Variants in RGS6 observed in about 807,000 individuals in gnomAD.
The protein encoded by RGS6 is regulator of G-protein signaling 6.
A neutral mutation model predicts 78.5 loss-of-function variants in RGS6; 30 were observed. That is an observed-to-expected ratio of 0.38 (90% CI 0.29 to 0.52). RGS6 has a LOEUF of 0.52. RGS6 is among the 20% of genes least tolerant of loss of function. The probability of loss-of-function intolerance (pLI) is 0.85; values close to 1 mark genes in which losing one functional copy is unlikely to be tolerated. For missense variants in RGS6, 495 were observed against 609.7 expected (o/e 0.81, Z 1.98); for synonymous variants, 206 against 206.0 (o/e 1.00, Z 0.00).
intron 2 of RGS6, among the ~76,000 whole-genome samples, chr14:72,101,411 G>C (rs1215868623): frequency 2.0e-5 from 3 of 152,254 alleles, no homozygotes; most frequent in Admixed American, 2.0e-4. Flanking sequence ...AACTGTGCCT[G>C]GCACAGAATA....
chr14:72,421,754 G>A (rs1484689526), intron 3 of RGS6: 1 of 152,214 alleles, frequency 6.6e-6, no homozygotes, highest in Non-Finnish European at 1.5e-5. Context: ...TTGTTCCTGG[G>A]CAGTTGCACC....
chr14:72,388,257 T>A (rs988634066), intron 3 of RGS6, among the ~76,000 whole-genome samples: 2 of 152,134 alleles, frequency 1.3e-5, no homozygotes, highest in African/African-American at 4.8e-5. Flanking sequence ...CACATATATA[T>A]ATACACATAT....
At chr14:71,975,135 C>CAA (rs1240657402) in intron 2 of RGS6, among the ~76,000 whole-genome samples, 1 of 152,184 alleles carries the variant, frequency 6.6e-6, no homozygotes, top group Admixed American at 6.5e-5. Flanking sequence ...GCCTGGGCAA[C>CAA]AGAGTGAGGC....
At chr14:72,346,795 C>A (rs546084907) in intron 2 of RGS6, among the ~76,000 whole-genome samples, 1 of 152,334 alleles carries the variant, frequency 6.6e-6, no homozygotes, top group South Asian at 2.1e-4. Flanking sequence ...CTTCCTACTG[C>A]CCCTCTGCGG....
intron 2 of RGS6, among the ~76,000 whole-genome samples, chr14:72,111,570 A>G (rs891366655): frequency 1.3e-5 from 2 of 152,230 alleles, no homozygotes; most frequent in Non-Finnish European, 2.9e-5. Context: ...ACAAAGCCAC[A>G]TATACATGTT....
chr14:72,412,477 G>C (rs1437913411), intron 3 of RGS6, among the ~76,000 whole-genome samples: 2 of 151,750 alleles, frequency 1.3e-5, no homozygotes, highest in Non-Finnish European at 2.9e-5. Context: ...ATTAGTCTTG[G>C]TAGCAGTCTA....
chr14:72,586,876 A>G, the RGS6 span, among the ~76,000 whole-genome samples: 2 of 152,222 alleles, frequency 1.3e-5, no homozygotes, highest in East Asian at 1.9e-4. Flanking sequence ...ATATTTGATG[A>G]GTCAATCAGT....
the RGS6 span, among the ~76,000 whole-genome samples, chr14:71,904,267 A>T: frequency 6.6e-6 from 1 of 152,162 alleles, no homozygotes; most frequent in Non-Finnish European, 1.5e-5. Context: ...CCCAAAATCT[A>T]AGGGTGGGAA....
intron 2 of RGS6, among the ~76,000 whole-genome samples, chr14:72,224,481 A>G (rs1329870366): frequency 6.6e-6 from 1 of 151,550 alleles, no homozygotes; most frequent in Non-Finnish European, 1.5e-5. Context: ...TATACTTTAG[A>G]GGCTTTCAGG....
intron 2 of RGS6, among the ~76,000 whole-genome samples, chr14:72,099,608 A>G (rs540756185): frequency 4.9e-4 from 74 of 152,314 alleles, no homozygotes; most frequent in African/African-American, 1.7e-3. Context: ...GAGGACTTCA[A>G]TGAGCTCTCA....
chr14:72,339,481 C>A (rs2076595383), intron 2 of RGS6, among the ~76,000 whole-genome samples: 1 of 152,184 alleles, frequency 6.6e-6, no homozygotes, highest in Non-Finnish European at 1.5e-5. Context: ...TTAGCCCATT[C>A]TGTTGAATCC....
chr14:71,912,970 T>G, the RGS6 span, among the ~76,000 whole-genome samples: 7 of 152,002 alleles, frequency 4.6e-5, no homozygotes, highest in South Asian at 1.5e-3. Context: ...GGACTACAGG[T>G]GCCCACCACC....
intron 2 of RGS6, among the ~76,000 whole-genome samples, chr14:72,231,380 GTA>G (rs2049548886): frequency 6.6e-6 from 1 of 152,204 alleles, no homozygotes; most frequent in African/African-American, 2.4e-5. Flanking sequence ...GCTAAATGTG[GTA>G]TATTGGAGTT....
chr14:72,328,683 A>G (rs1011444262), intron 2 of RGS6, among the ~76,000 whole-genome samples: 2 of 152,190 alleles, frequency 1.3e-5, no homozygotes, highest in East Asian at 3.9e-4. Context: ...CATTCTACGT[A>G]CCCCAAACCA....
chr14:72,269,567 A>ATTTTTTTTTTTTTTTTTTTTTTTTTTTT lies in RGS6; in HGVS notation c.85-82501_85-82500insTTTTTTTTTTTTTTTTTTTTTTTTTTTT, dbSNP rs56171281. On this transcript the variant is annotated intron_variant, in intron 2 of 17. Coordinates refer to ENST00000553525, the MANE Select transcript of RGS6 (RefSeq NM_001204424.2). ...GTTTTTACAGTGAAACCTATCTTAAATTTTTTTTTTTTTTTTTTTTTTTTT... is the reference window on the plus strand; with the variant it reads ...GTTTTTACAGTGAAACCTATCTTAAATTTTTTTTTTTTTTTTTTTTTTTTTTTTTTTTTTTTTTTTTTTTTTTTTTTTT... Among the ~76,000 whole-genome samples the ATTTTTTTTTTTTTTTTTTTTTTTTTTTT allele has an allele frequency of 1.7e-5, 2 of 120,334 alleles. 1 individual carries two copies. Among genetic ancestry groups the ATTTTTTTTTTTTTTTTTTTTTTTTTTTT allele is most frequent in the African/African-American group, 6.6e-5 (2 of 30,354 alleles). The allele number at this position is 120,334 out of a possible 152,430, so 78.9% of individuals were successfully genotyped here.
At chr14:72,587,246 G>GC in the RGS6 span, among the ~76,000 whole-genome samples, 4,363 of 152,008 alleles carry the variant, frequency 0.029, 197 homozygotes, top group African/African-American at 0.1. Flanking sequence ...TCCATTTCCA[G>GC]CCCCCACATG....
chr14:72,084,055 A>G (rs1362955304), intron 2 of RGS6, among the ~76,000 whole-genome samples: 1 of 152,208 alleles, frequency 6.6e-6, no homozygotes, highest in African/African-American at 2.4e-5. Context: ...TTTTGGAAAT[A>G]ATAATATCCT....
intron 2 of RGS6, among the ~76,000 whole-genome samples, chr14:72,111,746 G>A (rs887227909): frequency 5.9e-5 from 9 of 152,214 alleles, no homozygotes; most frequent in Middle Eastern, 6.8e-3. Context: ...ATTCGCCAGG[G>A]TACGTACCTC....
At chr14:72,412,346 A>C (rs982537545) in intron 3 of RGS6, among the ~76,000 whole-genome samples, 2 of 152,070 alleles carry the variant, frequency 1.3e-5, no homozygotes, top group Non-Finnish European at 2.9e-5. Context: ...TTTTCTATTT[A>C]TTTGCATAGA....
Sources: allele counts gnomAD v4.1 joint callset (sites outside exome capture counted in the v4.1 genomes callset), GRCh38; gene constraint gnomAD v4.1.1; transcripts MANE v1.5; gene names NCBI Gene and HGNC (gene_info 2026-07-23, HGNC 2026-07-21).